Variants in PHF21B observed in about 807,000 individuals in gnomAD.
PHF21B encodes PHD finger protein 4.
A neutral mutation model predicts 62.2 loss-of-function variants in PHF21B; 22 were observed. The observed-to-expected ratio is 0.35, with a 90% CI of 0.25 to 0.51. The LOEUF (loss-of-function observed/expected upper bound fraction) is 0.51. Ranked by LOEUF, PHF21B falls within the 20% of genes least tolerant of loss-of-function variation. The probability of loss-of-function intolerance (pLI) is 0.97; values close to 1 mark genes in which losing one functional copy is unlikely to be tolerated. For synonymous variants in PHF21B, 341 were observed against 314.7 expected (o/e 1.08, Z -0.88); for missense variants, 701 against 707.9 (o/e 0.99, Z 0.11).
chr22:44,941,850 C>T (rs1438803642), intron 2 of PHF21B, among the ~76,000 whole-genome samples: 3 of 152,172 alleles, frequency 2.0e-5, no homozygotes, highest in Non-Finnish European at 4.4e-5. Flanking sequence ...TAACGCAGCA[C>T]CCACCCCAGG....
chr22:45,007,675 G>C (rs1404037270), intron 2 of PHF21B, among the ~76,000 whole-genome samples: 10 of 142,004 alleles, frequency 7.0e-5, no homozygotes, highest in Non-Finnish European at 7.7e-5. Flanking sequence ...TCTCGGCTCG[G>C]GGCTGCGCGG....
chr22:45,008,012 C>G (rs1028676635), intron 2 of PHF21B: 1 of 151,608 alleles, frequency 6.6e-6, no homozygotes, highest in Non-Finnish European at 1.5e-5. Context: ...TGGGGAGTCC[C>G]GGGGGCGCGT....
intron 8 of PHF21B, among the ~76,000 whole-genome samples, chr22:44,890,215 G>A (rs12160729): frequency 0.035 from 5,405 of 152,278 alleles, 281 homozygotes; most frequent in African/African-American, 0.12. Context: ...TGTGGCCCCT[G>A]TGCTGAGGAC....
chr22:44,896,167 G>A (rs987088924), intron 5 of PHF21B, 84 bp from the exon 6 acceptor site: 22 of 1,488,776 alleles, frequency 1.5e-5, no homozygotes, highest in Non-Finnish European at 2.1e-5. Flanking sequence ...TGTGGCAGGT[G>A]CAGGGCGATA....
At chr22:44,990,243 A>G (rs1601685893) in intron 2 of PHF21B, among the ~76,000 whole-genome samples, 1 of 152,240 alleles carries the variant, frequency 6.6e-6, no homozygotes, top group Admixed American at 6.5e-5. Flanking sequence ...CCAACCCTTC[A>G]GGCTTCTCTC....
At chr22:45,007,706 CGCGGGGAAGGGGCGGGTGTGCGAGT>C (rs759236575) in intron 2 of PHF21B, among the ~76,000 whole-genome samples, 74,462 of 121,164 alleles carry the variant, frequency 0.61, 21,883 homozygotes, top group Non-Finnish European at 0.69. Flanking sequence ...GGTGTGCGAG[CGCGGGGAAGGGGCGGGTGTGCGAGT>C]GCGGGGAGGG....
chr22:44,947,439 G>C (rs1468495135), intron 2 of PHF21B, among the ~76,000 whole-genome samples: 4 of 152,234 alleles, frequency 2.6e-5, no homozygotes, highest in African/African-American at 9.6e-5. Context: ...GCCAGCGCCA[G>C]GGCCCAGCCC....
At chr22:44,911,428 A>G (rs987004760) in intron 5 of PHF21B, among the ~76,000 whole-genome samples, 1 of 151,988 alleles carries the variant, frequency 6.6e-6, no homozygotes, top group Non-Finnish European at 1.5e-5. Flanking sequence ...TAGGAGGAAA[A>G]AATGTTTTCT....
intron 2 of PHF21B, among the ~76,000 whole-genome samples, chr22:44,934,655 G>A (rs1027395622): frequency 7.9e-5 from 12 of 152,178 alleles, no homozygotes; most frequent in African/African-American, 2.9e-4. Flanking sequence ...CCAAGCCAAG[G>A]GTAACATCAC....
At chr22:44,959,403 C>T (rs1313250270) in intron 2 of PHF21B, among the ~76,000 whole-genome samples, 1 of 152,210 alleles carries the variant, frequency 6.6e-6, no homozygotes, top group Non-Finnish European at 1.5e-5. Flanking sequence ...TGCTGTCTGT[C>T]CCCTGCCTGG....
intron 2 of PHF21B, among the ~76,000 whole-genome samples, chr22:44,930,390 T>C (rs928625472): frequency 6.6e-5 from 10 of 152,186 alleles, no homozygotes; most frequent in African/African-American, 1.2e-4. Context: ...AGGCTTACTA[T>C]AGGGCCCTTT....
chr22:44,975,684 C>T (rs565037459), intron 2 of PHF21B, among the ~76,000 whole-genome samples: 2 of 152,328 alleles, frequency 1.3e-5, no homozygotes, highest in Non-Finnish European at 2.9e-5. Context: ...GCCAAATCAG[C>T]GAGGGAAGCC....
intron 2 of PHF21B, among the ~76,000 whole-genome samples, chr22:44,948,579 T>C (rs915161617): frequency 6.6e-6 from 1 of 151,554 alleles, no homozygotes; most frequent in Non-Finnish European, 1.5e-5. Context: ...TAGTCCCAGA[T>C]ACTTGGGAGG....
At chr22:44,920,560 G>A (rs1346743627) in intron 2 of PHF21B, 70 bp from the exon 3 acceptor site, 2 of 1,159,076 alleles carry the variant, frequency 1.7e-6, no homozygotes, top group Non-Finnish European at 2.5e-6. Flanking sequence ...CCCCCAGCCT[G>A]GCCAAGCAGG....
chr22:45,009,440 AC>A lies in PHF21B; in HGVS notation c.54+55del. On this transcript the variant is annotated intron_variant, in intron 1 of 12. Coordinates refer to ENST00000313237, the MANE Select transcript of PHF21B (RefSeq NM_138415.5). The surrounding 1 kb of genome is among the most constrained non-coding windows in gnomAD (Gnocchi z 5.9). ...GAGGATGCTGGGCTCGGGTCCCCCG[AC>A]CCCCTCACCCCGCAACACACTCCCC... 1 of 1,444,416 alleles carries A rather than the reference AC, an allele frequency of 6.9e-7. No homozygotes were observed. Among genetic ancestry groups the A allele is most frequent in the Non-Finnish European group, 9.2e-7 (1 of 1,087,084 alleles). The allele number at this position is 1,444,416 out of a possible 1,614,324, so 89.5% of individuals were successfully genotyped here. A position where few individuals can be genotyped will look rare whatever the true frequency, so the allele number is the denominator to read the frequency against.
intron 2 of PHF21B, among the ~76,000 whole-genome samples, chr22:45,007,687 G>A (rs544465173): frequency 5.5e-3 from 472 of 86,544 alleles, no homozygotes; most frequent in Non-Finnish European, 9.8e-3. Flanking sequence ...GCTGCGCGGG[G>A]AAGGGGCGGG....
chr22:45,008,517 CA>C (rs757181995), intron 2 of PHF21B, 27 bp downstream of exon 2: 45 of 1,537,212 alleles, frequency 2.9e-5, no homozygotes, highest in South Asian at 1.2e-4. Flanking sequence ...CGCCCCATCC[CA>C]GGGGGGGCCG....
At chr22:44,999,476 G>GA (rs2073174885) in intron 2 of PHF21B, among the ~76,000 whole-genome samples, 1 of 152,028 alleles carries the variant, frequency 6.6e-6, no homozygotes, top group East Asian at 1.9e-4. Flanking sequence ...AGGCTCCCGG[G>GA]AGATGCAGAG....
At chr22:44,933,828 C>T (rs1415140827) in intron 2 of PHF21B, among the ~76,000 whole-genome samples, 3 of 152,022 alleles carry the variant, frequency 2.0e-5, no homozygotes, top group Non-Finnish European at 2.9e-5. Context: ...CCCTGCACCG[C>T]GAGGGAAGGG....
Sources: gnomAD v4.1 joint callset for allele counts (sites outside exome capture counted in the v4.1 genomes callset) on GRCh38, gnomAD v4.1.1 for gene constraint, Gnocchi (gnomAD v3.1) non-coding constraint, MANE v1.5 for transcripts, NCBI Gene and HGNC (gene_info 2026-07-23, HGNC 2026-07-21) for gene names.